The following FSTL5 variants were observed in gnomAD, a reference collection of about 807,000 sequenced individuals.
FSTL5 encodes follistatin like 5, also known as follistatin-related protein 5.
Under a neutral mutation model 89.1 loss-of-function variants are expected in FSTL5, and 62 were observed. The ratio of observed to expected loss-of-function variants is 0.70; its 90% CI spans 0.57 to 0.86. FSTL5 has a LOEUF of 0.86. Among genes scored for constraint, FSTL5 ranks in the 40% least tolerant of loss-of-function variants. The pLI is 0.00. For missense variants in FSTL5, 1,057 were observed against 1,001.6 expected (o/e 1.06, Z -0.75); for synonymous variants, 383 against 346.2 (o/e 1.11, Z -1.18).
chr4:161,498,635 C>T (rs1730178137), intron 12 of FSTL5, among the ~76,000 whole-genome samples: 1 of 152,046 alleles, frequency 6.6e-6, no homozygotes, highest in South Asian at 2.1e-4. Flanking sequence ...ACTGCTAGTC[C>T]TGTAGAAATC....
chr4:161,499,461 G>A (rs4510426), intron 12 of FSTL5, among the ~76,000 whole-genome samples: 44,952 of 151,648 alleles, frequency 0.3, 7,664 homozygotes, highest in Non-Finnish European at 0.4. Context: ...ATAAATTATT[G>A]TCTCCATGTA....
chr4:161,772,343 T>C (rs148618227), intron 5 of FSTL5, among the ~76,000 whole-genome samples: 1 of 152,188 alleles, frequency 6.6e-6, no homozygotes, highest in African/African-American at 2.4e-5. Context: ...CTTTTTATTC[T>C]AATTTAAATT....
intron 10 of FSTL5, among the ~76,000 whole-genome samples, chr4:161,515,886 C>T (rs1312868271): frequency 6.6e-6 from 1 of 151,334 alleles, no homozygotes; most frequent in Admixed American, 6.6e-5. Flanking sequence ...GTATATGTTC[C>T]TGCAAGAGGT....
chr4:161,891,821 T>A (rs1385050612), intron 4 of FSTL5, among the ~76,000 whole-genome samples: 1 of 152,030 alleles, frequency 6.6e-6, no homozygotes, highest in Non-Finnish European at 1.5e-5. Flanking sequence ...TGCCCTGGAC[T>A]ATTATAGATC....
At position 162,041,489 on chromosome 4, in the gene FSTL5, A is replaced by G. The variant is rs188544435; in HGVS notation, c.127-7831T>C. On this transcript the variant is annotated intron_variant, in intron 2 of 15. Transcript: ENST00000306100. ...TATTAGTAGCCTAATGAATATATAT[A>G]TATATAACACAATCTGGAAAAGTTA... Among the ~76,000 whole-genome samples, 221 of 152,284 alleles carry G rather than the reference A, an allele frequency of 1.5e-3. 2 individuals are homozygous for G. Among genetic ancestry groups the G allele is most frequent in the Non-Finnish European group, 2.4e-4 (16 of 68,010 alleles).
intron 2 of FSTL5, among the ~76,000 whole-genome samples, chr4:162,105,109 T>C (rs1731167809): frequency 6.6e-6 from 1 of 152,216 alleles, no homozygotes; most frequent in Non-Finnish European, 1.5e-5. Flanking sequence ...CAGAAAATTG[T>C]ATATATTTAA....
chr4:161,558,404 A>C (rs1268741146), intron 8 of FSTL5, among the ~76,000 whole-genome samples: 1 of 151,896 alleles, frequency 6.6e-6, no homozygotes, highest in Non-Finnish European at 1.5e-5. Flanking sequence ...AAACTGCATA[A>C]GAATTTACAG....
chr4:161,433,329 T>C, intron 15 of FSTL5, among the ~76,000 whole-genome samples: 1 of 152,072 alleles, frequency 6.6e-6, no homozygotes, highest in Non-Finnish European at 1.5e-5. Context: ...TAATTGATGC[T>C]GAAAAAGCTT....
At chr4:161,612,489 A>G (rs991150443) in intron 7 of FSTL5, among the ~76,000 whole-genome samples, 3 of 152,200 alleles carry the variant, frequency 2.0e-5, no homozygotes, top group African/African-American at 7.2e-5. Context: ...TGGTGCTTCA[A>G]ATCCACACTA....
chr4:161,444,151 G>T (rs1012214163), intron 15 of FSTL5, among the ~76,000 whole-genome samples: 2 of 151,870 alleles, frequency 1.3e-5, no homozygotes, highest in Admixed American at 1.3e-4. Context: ...TGGCAAAAAT[G>T]ATAAATATGG....
chr4:161,441,770 A>G (rs1732770597), intron 15 of FSTL5, among the ~76,000 whole-genome samples: 1 of 152,120 alleles, frequency 6.6e-6, no homozygotes, highest in South Asian at 2.1e-4. Context: ...TAAATGAAAT[A>G]AAATGTTTCC....
intron 1 of FSTL5, among the ~76,000 whole-genome samples, chr4:162,156,528 G>A (rs1733480806): frequency 6.6e-6 from 1 of 152,104 alleles, no homozygotes; most frequent in South Asian, 2.1e-4. Flanking sequence ...TGAAGAAAAC[G>A]TGGTACACAT....
chr4:162,015,705 G>A (rs774584089), intron 3 of FSTL5, among the ~76,000 whole-genome samples: 14 of 152,222 alleles, frequency 9.2e-5, no homozygotes, highest in South Asian at 6.2e-4. Context: ...TAAACTGTGA[G>A]GGCCAGGTTG....
intron 7 of FSTL5, among the ~76,000 whole-genome samples, chr4:161,591,534 T>A (rs913465008): frequency 6.6e-6 from 1 of 152,048 alleles, no homozygotes; most frequent in Non-Finnish European, 1.5e-5. Flanking sequence ...AAAAAATAAA[T>A]ATGCCATAAT....
intron 12 of FSTL5, among the ~76,000 whole-genome samples, chr4:161,483,433 C>T (rs1729586322): frequency 6.6e-6 from 1 of 152,180 alleles, no homozygotes; most frequent in African/African-American, 2.4e-5. Flanking sequence ...CGAAAGATTT[C>T]CACCCCTTTG....
At chr4:161,913,443 G>A (rs1299128121) in intron 4 of FSTL5, among the ~76,000 whole-genome samples, 1 of 152,178 alleles carries the variant, frequency 6.6e-6, no homozygotes, top group Non-Finnish European at 1.5e-5. Flanking sequence ...GCCTTCAGAG[G>A]GTAGAAGCCC....
chr4:161,766,138 A>T (rs1740990784), intron 5 of FSTL5, among the ~76,000 whole-genome samples: 1 of 152,186 alleles, frequency 6.6e-6, no homozygotes, highest in Admixed American at 6.5e-5. Flanking sequence ...AGATGACAGA[A>T]TCTAAATGGA....
At chr4:161,472,170 A>C (rs1198169744) in intron 13 of FSTL5, among the ~76,000 whole-genome samples, 2 of 151,752 alleles carry the variant, frequency 1.3e-5, no homozygotes, top group African/African-American at 2.4e-5. Context: ...ATAGAGACAG[A>C]GTTTCACCGT....
intron 2 of FSTL5, among the ~76,000 whole-genome samples, chr4:162,041,522 T>C (rs1737958326): frequency 6.6e-6 from 1 of 152,278 alleles, no homozygotes; most frequent in Non-Finnish European, 1.5e-5. Flanking sequence ...TTATAGAGTG[T>C]CAGTCAACAG....
Sources: allele counts gnomAD v4.1 joint callset (sites outside exome capture counted in the v4.1 genomes callset), GRCh38; gene constraint gnomAD v4.1.1; transcripts MANE v1.5; gene names NCBI Gene and HGNC (gene_info 2026-07-23, HGNC 2026-07-21).